Variants in VAT1L observed in about 807,000 individuals in gnomAD.
VAT1L encodes the protein vesicle amine transport 1 like, also known as putative NADPH-dependent quinone oxidoreductase VAT1L.
VAT1L carries 34 observed loss-of-function variants against 44.1 expected under a neutral mutation model. The observed-to-expected ratio is 0.77, with a 90% CI of 0.59 to 1.03. The LOEUF is 1.03. VAT1L is among the 50% of genes least tolerant of loss of function. The pLI is 0.00. For synonymous variants in VAT1L, 253 were observed against 202.2 expected (o/e 1.25, Z -2.13); for missense variants, 615 against 538.8 (o/e 1.14, Z -1.40).
intron 1 of VAT1L, 33 bp downstream of exon 1, chr16:77,788,948 T>A: frequency 6.9e-7 from 1 of 1,444,316 alleles, no homozygotes; most frequent in Non-Finnish European, 9.1e-7. Flanking sequence ...GCTTTCTCTC[T>A]TTTTGCGCGC....
At chr16:77,936,704 G>A (rs2017801536) in intron 7 of VAT1L, among the ~76,000 whole-genome samples, 2 of 152,160 alleles carry the variant, frequency 1.3e-5, no homozygotes, top group Non-Finnish European at 2.9e-5. Flanking sequence ...GAGGGGCCAG[G>A]CTCCTCCCTG....
At chr16:77,859,799 G>A (rs377017130) in intron 3 of VAT1L, among the ~76,000 whole-genome samples, 2 of 152,168 alleles carry the variant, frequency 1.3e-5, no homozygotes, top group African/African-American at 4.8e-5. Flanking sequence ...TGGCTTTAAC[G>A]CTGGGGAATG....
intron 7 of VAT1L, among the ~76,000 whole-genome samples, chr16:77,960,271 G>A (rs2018146865): frequency 6.6e-6 from 1 of 152,126 alleles, no homozygotes; most frequent in African/African-American, 2.4e-5. Flanking sequence ...TACACACTCA[G>A]TGTATTTGTT....
intron 3 of VAT1L, among the ~76,000 whole-genome samples, chr16:77,859,236 G>T (rs914722824): frequency 3.9e-5 from 6 of 151,978 alleles, no homozygotes; most frequent in African/African-American, 1.4e-4. Context: ...GGAGTTCAAG[G>T]TTGCAGTGAG....
At chr16:77,946,046 C>T (rs1248958785) in intron 7 of VAT1L, among the ~76,000 whole-genome samples, 12 of 151,990 alleles carry the variant, frequency 7.9e-5, no homozygotes, top group East Asian at 7.8e-4. Flanking sequence ...ATGATCTGCC[C>T]GTCTCGGCCT....
intron 3 of VAT1L, among the ~76,000 whole-genome samples, chr16:77,846,688 A>G (rs2145264348): frequency 6.6e-6 from 1 of 152,278 alleles, no homozygotes; most frequent in South Asian, 2.1e-4. Context: ...TAACACCATA[A>G]TTTCTTGTCA....
At chr16:77,802,228 G>C (rs750738916) in intron 1 of VAT1L, among the ~76,000 whole-genome samples, 4 of 151,882 alleles carry the variant, frequency 2.6e-5, no homozygotes, top group Non-Finnish European at 5.9e-5. Flanking sequence ...TTTTCCTTTT[G>C]TATCCTTAAG....
chr16:77,922,344 A>T (rs890306011), intron 7 of VAT1L, among the ~76,000 whole-genome samples: 1 of 152,152 alleles, frequency 6.6e-6, no homozygotes, highest in African/African-American at 2.4e-5. Context: ...TATAGTAATT[A>T]CCAAGGCCAG....
intron 4 of VAT1L, among the ~76,000 whole-genome samples, chr16:77,863,244 C>G (rs1852262921): frequency 6.6e-6 from 1 of 152,192 alleles, no homozygotes; most frequent in African/African-American, 2.4e-5. Flanking sequence ...GAGACCCAGG[C>G]TCTTTTCATC....
intron 3 of VAT1L, among the ~76,000 whole-genome samples, chr16:77,852,098 C>T (rs1057225715): frequency 1.3e-5 from 2 of 152,138 alleles, no homozygotes; most frequent in African/African-American, 4.8e-5. Flanking sequence ...TACTAGTGCT[C>T]CTCTCCCCCT....
At chr16:77,903,063 G>T (rs2017401755) in intron 7 of VAT1L, among the ~76,000 whole-genome samples, 1 of 151,736 alleles carries the variant, frequency 6.6e-6, no homozygotes, top group South Asian at 2.1e-4. Flanking sequence ...CTTTTAATGT[G>T]CAGCATTCCC....
chr16:77,834,005 T>G (rs1480399029), intron 3 of VAT1L, among the ~76,000 whole-genome samples: 1 of 152,160 alleles, frequency 6.6e-6, no homozygotes, highest in Non-Finnish European at 1.5e-5. Context: ...TCAACAGGCT[T>G]CCTCATTAGT....
At chr16:77,950,002 T>C (rs1162353939) in intron 7 of VAT1L, among the ~76,000 whole-genome samples, 1 of 152,236 alleles carries the variant, frequency 6.6e-6, no homozygotes, top group Non-Finnish European at 1.5e-5. Context: ...GCCATGGCTC[T>C]GTAGCCTCGT....
chr16:77,805,100 G>A (rs74029406), intron 1 of VAT1L, among the ~76,000 whole-genome samples: 1,618 of 152,252 alleles, frequency 0.011, 28 homozygotes, highest in African/African-American at 0.037. Context: ...GAGCATCCCA[G>A]CATACCCTTT....
At chr16:77,871,710 A>G (rs1281061027) in intron 4 of VAT1L, among the ~76,000 whole-genome samples, 1 of 152,198 alleles carries the variant, frequency 6.6e-6, no homozygotes, top group Non-Finnish European at 1.5e-5. Flanking sequence ...GCATAAATGT[A>G]GCCTGGATAA....
Position 77,974,864 on chromosome 16 carries a change from G to T in VAT1L, c.1162-2733G>T, listed in dbSNP as rs190338060. ...GATTATAGACATGAGACACTGTACCGGGCCCCCTTGAAGGCTTTTATCCCT... is the reference window on the plus strand; with the variant it reads ...GATTATAGACATGAGACACTGTACCTGGCCCCCTTGAAGGCTTTTATCCCT... On this transcript the variant is annotated intron_variant, in intron 8 of 8. Transcript: ENST00000302536. Among the ~76,000 whole-genome samples, 3 of 152,100 alleles carry T rather than the reference G, an allele frequency of 2.0e-5. 1 individual carries two copies.
chr16:77,880,589 G>GGATTT (rs2017141373), intron 6 of VAT1L, among the ~76,000 whole-genome samples: 1 of 16,374 alleles, frequency 6.1e-5, no homozygotes, highest in Non-Finnish European at 1.2e-4. Context: ...ACGTTCCAGG[G>GGATTT]TATTTTTTTT....
intron 1 of VAT1L, among the ~76,000 whole-genome samples, chr16:77,791,779 G>C: frequency 6.6e-6 from 1 of 152,168 alleles, no homozygotes; most frequent in South Asian, 2.1e-4. Context: ...GCTTTCTCCA[G>C]AAAGTAGAGA....
At chr16:77,822,131 T>TTTTA (rs981429232) in intron 2 of VAT1L, among the ~76,000 whole-genome samples, 11 of 152,116 alleles carry the variant, frequency 7.2e-5, no homozygotes, top group Middle Eastern at 3.2e-3. Context: ...TCATGTTTTA[T>TTTTA]TTTATTTATT....
Sources: allele counts gnomAD v4.1 joint callset (sites outside exome capture counted in the v4.1 genomes callset), GRCh38; gene constraint gnomAD v4.1.1; transcripts MANE v1.5; gene names NCBI Gene and HGNC (gene_info 2026-07-23, HGNC 2026-07-21).